Variants in CHRM3 observed in about 807,000 individuals in gnomAD.
CHRM3 encodes the protein cholinergic receptor muscarinic 3.
Under a neutral mutation model 41.8 loss-of-function variants are expected in CHRM3, and 11 were observed. That is an observed-to-expected ratio of 0.26 (90% confidence interval 0.17 to 0.44). CHRM3 has a LOEUF of 0.44. Among genes scored for constraint, CHRM3 ranks in the 20% least tolerant of loss-of-function variants. The pLI, the probability that CHRM3 is intolerant of heterozygous loss-of-function variation, is 1.00. For synonymous variants in CHRM3, 297 were observed against 301.4 expected, an observed-to-expected ratio of 0.99 and a Z score of 0.15; for missense variants, 571 against 745.4, an observed-to-expected ratio of 0.77 and a Z score of 2.72.
intron 5 of CHRM3, among the ~76,000 whole-genome samples, chr1:239,809,409 C>T (rs1244121098): frequency 6.6e-6 from 1 of 152,096 alleles, no homozygotes; most frequent in Non-Finnish European, 1.5e-5. Flanking sequence ...TGTTCGCCCA[C>T]TTCCTCATTT....
chr1:239,462,321 G>A (rs751708955), intron 1 of CHRM3, among the ~76,000 whole-genome samples: 1 of 152,030 alleles, frequency 6.6e-6, no homozygotes, highest in Non-Finnish European at 1.5e-5. Flanking sequence ...GGTTATACCA[G>A]GTTAGTCATA....
intron 2 of CHRM3, among the ~76,000 whole-genome samples, chr1:239,500,212 C>T (rs1668136481): frequency 6.6e-6 from 1 of 151,980 alleles, no homozygotes. Context: ...GACTTGGAAC[C>T]AACACAAATG....
intron 1 of CHRM3, among the ~76,000 whole-genome samples, chr1:239,477,132 A>G (rs1236857493): frequency 6.6e-6 from 1 of 152,212 alleles, no homozygotes; most frequent in Non-Finnish European, 1.5e-5. Context: ...AGCGAACAGA[A>G]TAATAGTGAA....
intron 6 of CHRM3, chr1:239,899,910 G>C (rs72760740): frequency 0.096 from 14,385 of 150,588 alleles, 1,105 homozygotes; most frequent in African/African-American, 0.22. Context: ...CCTGCCCCTG[G>C]TCTGCCCCTA....
intron 5 of CHRM3, among the ~76,000 whole-genome samples, chr1:239,700,008 C>A (rs904648438): frequency 6.6e-6 from 1 of 151,968 alleles, no homozygotes; most frequent in African/African-American, 2.4e-5. Flanking sequence ...ATTCATTTTC[C>A]ATCACTCTGG....
chr1:239,589,304 A>C (rs942638886), intron 3 of CHRM3, among the ~76,000 whole-genome samples: 1 of 151,928 alleles, frequency 6.6e-6, no homozygotes, highest in Non-Finnish European at 1.5e-5. Context: ...TGATTACAAT[A>C]AGGAACCAAA....
At chr1:239,655,101 C>T (rs909464525) in intron 4 of CHRM3, among the ~76,000 whole-genome samples, 64 of 152,172 alleles carry the variant, frequency 4.2e-4, no homozygotes, top group African/African-American at 1.4e-3. Context: ...TCTCGTGCAG[C>T]GAAAGAGGAA....
At chr1:239,518,678 T>C (rs534927960) in intron 2 of CHRM3, among the ~76,000 whole-genome samples, 2 of 152,288 alleles carry the variant, frequency 1.3e-5, no homozygotes, top group African/African-American at 4.8e-5. Context: ...CAGGTCATGA[T>C]AGGAAAATCT....
chr1:239,492,278 A>G (rs534717351), intron 1 of CHRM3, among the ~76,000 whole-genome samples: 1 of 152,086 alleles, frequency 6.6e-6, no homozygotes, highest in East Asian at 1.9e-4. Context: ...TCCTTTGAAA[A>G]CTTTTCCCAC....
chr1:239,830,766 G>A (rs942913706), intron 6 of CHRM3, among the ~76,000 whole-genome samples: 2 of 152,152 alleles, frequency 1.3e-5, no homozygotes, highest in African/African-American at 4.8e-5. Context: ...TTTTCCCTGT[G>A]AGCAAAGAAG....
At chr1:239,842,009 GA>G (rs1673838888) in intron 6 of CHRM3, among the ~76,000 whole-genome samples, 1 of 152,126 alleles carries the variant, frequency 6.6e-6, no homozygotes, top group African/African-American at 2.4e-5. Context: ...TGAATAATTT[GA>G]AAATCTGCTC....
intron 4 of CHRM3, among the ~76,000 whole-genome samples, chr1:239,651,118 G>A (rs141049124): frequency 6.6e-6 from 1 of 152,282 alleles, no homozygotes; most frequent in African/African-American, 2.4e-5. Flanking sequence ...CATATTTGCA[G>A]CTTGTGTAAC....
Position 239,907,715 on chromosome 1 carries a change from G to T in CHRM3, c.264G>T (p.Leu88=), listed in dbSNP as rs1158482740. 6.2e-7 allele frequency: 1 copy of T among 1,614,116 alleles called. No individual in the cohort carries two copies. ...LALVTIIGNI[L]VIVSFKVNKQ... ...TGGTGACCATCATCGGCAACATCCT[G>T]GTAATTGTGTCATTTAAGGTCAACA... The change falls in exon 7 of 7, where the codon CTG becomes CTT. Residue 88 remains leucine (L), a synonymous_variant. Transcript: ENST00000676153. The surrounding 1 kb of genome is among the most constrained non-coding windows in gnomAD (Gnocchi z 5.4).
chr1:239,568,596 A>G (rs921135386), intron 3 of CHRM3, among the ~76,000 whole-genome samples: 2 of 152,040 alleles, frequency 1.3e-5, no homozygotes, highest in African/African-American at 4.8e-5. Flanking sequence ...CCTCTGCTTC[A>G]CCCTACCTTC....
chr1:239,751,635 G>T (rs530090791), intron 5 of CHRM3, among the ~76,000 whole-genome samples: 14 of 152,072 alleles, frequency 9.2e-5, no homozygotes, highest in African/African-American at 2.9e-4. Flanking sequence ...TAAGTAGCTA[G>T]TGAAACTCCA....
chr1:239,557,476 C>G (rs1026743187), intron 3 of CHRM3, among the ~76,000 whole-genome samples: 3 of 152,124 alleles, frequency 2.0e-5, no homozygotes, highest in African/African-American at 7.2e-5. Flanking sequence ...AATCCAGACA[C>G]TTATTTTATT....
At chr1:239,684,416 G>T (rs1451787775) in intron 5 of CHRM3, among the ~76,000 whole-genome samples, 1 of 152,016 alleles carries the variant, frequency 6.6e-6, no homozygotes, top group Non-Finnish European at 1.5e-5. Flanking sequence ...TGTATGGGCT[G>T]GGCACAGTGG....
chr1:239,435,253 C>T (rs142635497), intron 1 of CHRM3, among the ~76,000 whole-genome samples: 128 of 152,144 alleles, frequency 8.4e-4, no homozygotes, highest in African/African-American at 3.0e-3. Flanking sequence ...AGTTTGAGAC[C>T]AGCCTGGCCA....
chr1:239,434,769 G>T (rs1426583465), intron 1 of CHRM3, among the ~76,000 whole-genome samples: 1 of 151,938 alleles, frequency 6.6e-6, no homozygotes, highest in African/African-American at 2.4e-5. Context: ...GAGAGATAGA[G>T]AGGGAGAAGG....
Sources: gnomAD v4.1 joint callset for allele counts (sites outside exome capture counted in the v4.1 genomes callset) on GRCh38, gnomAD v4.1.1 for gene constraint, Gnocchi (gnomAD v3.1) non-coding constraint, MANE v1.5 for transcripts, NCBI Gene and HGNC (gene_info 2026-07-23, HGNC 2026-07-21) for gene names.